Variants in MIB1 observed in about 807,000 individuals in gnomAD.
The protein encoded by MIB1 is MIB E3 ubiquitin protein ligase 1.
In MIB1, 278 loss-of-function variants were observed where a neutral mutation model predicts 124.5. The observed-to-expected ratio is 2.23, with a 90% CI of 2.02 to 2.47. The LOEUF (loss-of-function observed/expected upper bound fraction) is 2.47, where lower values mean the gene tolerates loss of function less well. MIB1 is among the 30% of genes most tolerant of loss of function. The probability of loss-of-function intolerance (pLI) is 0.00; values close to 1 mark genes in which losing one functional copy is unlikely to be tolerated. For missense variants in MIB1, 957 were observed against 1,254.4 expected, an observed-to-expected ratio of 0.76 and a Z score of 3.58; for synonymous variants, 446 against 429.4, an observed-to-expected ratio of 1.04 and a Z score of -0.48.
chr18:21,832,005 T>A (rs1253432380), intron 12 of MIB1, among the ~76,000 whole-genome samples: 8 of 152,184 alleles, frequency 5.3e-5, no homozygotes, highest in Admixed American at 5.2e-4. Flanking sequence ...GCCATATACA[T>A]GCTTTTAAAG....
chr18:21,816,617 A>T (rs2041831948), intron 11 of MIB1, among the ~76,000 whole-genome samples: 1 of 152,218 alleles, frequency 6.6e-6, no homozygotes, highest in African/African-American at 2.4e-5. Context: ...ATGATTTTTT[A>T]AAAAGTAGGG....
intron 16 of MIB1, among the ~76,000 whole-genome samples, chr18:21,848,684 A>G (rs890831984): frequency 6.6e-6 from 1 of 152,098 alleles, no homozygotes; most frequent in African/African-American, 2.4e-5. Context: ...TCTGTAATAT[A>G]ATTTTATGTT....
At chr18:21,825,776 A>T (rs1051278193) in intron 12 of MIB1, 1 of 522,310 alleles carries the variant, frequency 1.9e-6, no homozygotes, top group Non-Finnish European at 3.9e-6. Flanking sequence ...CAGCTCTAGC[A>T]AAGCATTGTA....
At position 21,708,174 on chromosome 18, in the gene MIB1, G is replaced by A. The variant is rs779048485; in HGVS notation, n.167+3051G>A. Among the ~76,000 whole-genome samples, 112 of 152,160 alleles carry A rather than the reference G, an allele frequency of 7.4e-4. 1 individual carries two copies. The highest frequency in any genetic ancestry group is 3.2e-3 in the Middle Eastern group (1 of 316). On this transcript the variant is annotated intron_variant and non_coding_transcript_variant, in intron 1 of 20. Transcript: ENST00000578646. ...ACATTGATGCCTATAATATTTTATG[G>A]CCATCATGGTGTGTAGAAAATGTAC...
At chr18:21,763,933 T>A (rs2041127280) in intron 1 of MIB1, among the ~76,000 whole-genome samples, 2 of 152,144 alleles carry the variant, frequency 1.3e-5, no homozygotes, top group Admixed American at 1.3e-4. Context: ...TTTTATTTTT[T>A]TTATTTTTTT....
chr18:21,795,351 T>C (rs985092815), intron 7 of MIB1, among the ~76,000 whole-genome samples: 1 of 142,766 alleles, frequency 7.0e-6, no homozygotes, highest in African/African-American at 2.5e-5. Context: ...ATATAATATA[T>C]AAATAATACA....
intron 1 of MIB1, among the ~76,000 whole-genome samples, chr18:21,758,241 GAGAA>G (rs1394939732): frequency 6.6e-6 from 1 of 152,138 alleles, no homozygotes; most frequent in Non-Finnish European, 1.5e-5. Flanking sequence ...TATTTCTCTA[GAGAA>G]AGGAATGTGG....
chr18:21,782,605 T>C (rs1037317993), intron 6 of MIB1, among the ~76,000 whole-genome samples: 29 of 152,176 alleles, frequency 1.9e-4, no homozygotes, highest in African/African-American at 7.0e-4. Context: ...TTCTTTCTAG[T>C]GTTATTGCAT....
intron 7 of MIB1, 91 bp from the exon 8 acceptor site, chr18:21,797,993 A>G (rs760288728): frequency 3.9e-6 from 5 of 1,278,422 alleles, no homozygotes; most frequent in Non-Finnish European, 5.4e-6. Context: ...AGTAATAAGT[A>G]AAATCATTAC....
intron 6 of MIB1, among the ~76,000 whole-genome samples, chr18:21,780,864 A>G (rs2041352993): frequency 6.6e-6 from 1 of 152,048 alleles, no homozygotes; most frequent in African/African-American, 2.4e-5. Context: ...TGACATACTG[A>G]TATTCTTTCT....
At chr18:21,857,278 CT>C (rs201690795) in intron 19 of MIB1, 35 bp downstream of exon 19, 50 of 1,474,760 alleles carry the variant, frequency 3.4e-5, no homozygotes, top group Non-Finnish European at 4.3e-5. Flanking sequence ...TCATATTTTG[CT>C]TTTTTTTGGG....
At position 21,819,654 on chromosome 18, in the gene MIB1, A is replaced by AC. The variant is rs771886887; in HGVS notation, c.1829+12dup. On this transcript the variant is annotated intron_variant, in intron 12 of 20. Coordinates refer to ENST00000261537, the MANE Select transcript of MIB1 (RefSeq NM_020774.4). ...ACTAAGGGGAAATCCCAGGTATGTCACCCCTTACTATTTTAGGTGCAATTC... is the reference window on the plus strand; with the variant it reads ...ACTAAGGGGAAATCCCAGGTATGTCACCCCCTTACTATTTTAGGTGCAATTC... The AC allele has an allele frequency of 1.1e-4, 169 of 1,495,060 alleles. No homozygotes were observed. Among genetic ancestry groups the AC allele is most frequent in the Non-Finnish European group, 1.4e-4 (157 of 1,115,902 alleles). The allele number at this position is 1,495,060 out of a possible 1,614,324, so 92.6% of individuals were successfully genotyped here.
intron 1 of MIB1, among the ~76,000 whole-genome samples, chr18:21,763,188 C>CG (rs1317939610): frequency 6.6e-6 from 1 of 151,618 alleles, no homozygotes; most frequent in Non-Finnish European, 1.5e-5. Flanking sequence ...AATATTGGTC[C>CG]CAGAGTATTT....
intron 15 of MIB1, among the ~76,000 whole-genome samples, 194 bp downstream of exon 15, chr18:21,844,447 CTGT>C (rs565062524): frequency 6.6e-4 from 100 of 152,010 alleles, no homozygotes; most frequent in African/African-American, 2.3e-3. Flanking sequence ...TTGTTCAGTT[CTGT>C]TGTTGTTGTT....
chr18:21,772,707 C>G (rs140783056), intron 3 of MIB1, among the ~76,000 whole-genome samples: 2 of 152,122 alleles, frequency 1.3e-5, no homozygotes, highest in Non-Finnish European at 2.9e-5. Flanking sequence ...CCAGTGAATT[C>G]AAGAATCAGA....
chr18:21,733,627 A>T (rs1354485075), intron 1 of MIB1, among the ~76,000 whole-genome samples: 4 of 152,204 alleles, frequency 2.6e-5, no homozygotes, highest in African/African-American at 9.6e-5. Context: ...CATGAACAAG[A>T]TTAATTTTTC....
At chr18:21,797,008 A>G (rs2146450724) in intron 7 of MIB1, among the ~76,000 whole-genome samples, 1 of 152,284 alleles carries the variant, frequency 6.6e-6, no homozygotes, top group Admixed American at 6.5e-5. Flanking sequence ...TGATTTAAAC[A>G]AACAAAAAAT....
chr18:21,712,576 A>C (rs1454403523), intron 1 of MIB1, among the ~76,000 whole-genome samples: 3 of 152,218 alleles, frequency 2.0e-5, no homozygotes, highest in Non-Finnish European at 4.4e-5. Context: ...TCCATCAGAC[A>C]ACTGCAAAAA....
chr18:21,767,731 T>A (rs2041178783), intron 2 of MIB1, among the ~76,000 whole-genome samples: 1 of 152,078 alleles, frequency 6.6e-6, no homozygotes, highest in East Asian at 1.9e-4. Context: ...GTATTTTTAG[T>A]AGAGACAGGG....
Sources: gnomAD v4.1 joint callset for allele counts (sites outside exome capture counted in the v4.1 genomes callset) on GRCh38, gnomAD v4.1.1 for gene constraint, MANE v1.5 for transcripts, NCBI Gene and HGNC (gene_info 2026-07-23, HGNC 2026-07-21) for gene names.